Variants in XKR9 observed in about 807,000 individuals in gnomAD.
The protein encoded by XKR9 is XK related 9.
XKR9 carries 32 observed loss-of-function variants against 32.0 expected under a neutral mutation model. That is an observed-to-expected ratio of 1.00 (90% CI 0.76 to 1.34). The LOEUF (loss-of-function observed/expected upper bound fraction) is 1.34. Among genes scored for constraint, XKR9 ranks in the 40% most tolerant of loss-of-function variants. The pLI is 0.00. For missense variants in XKR9, 546 were observed against 429.7 expected, an observed-to-expected ratio of 1.27 and a Z score of -2.39; for synonymous variants, 168 against 143.4, an observed-to-expected ratio of 1.17 and a Z score of -1.22.
At chr8:70,915,046 A>G in the XKR9 span, among the ~76,000 whole-genome samples, 1 of 151,800 alleles carries the variant, frequency 6.6e-6, no homozygotes, top group African/African-American at 2.4e-5. Context: ...GAATGTGATT[A>G]ATTAGGTCAA....
At chr8:71,000,466 C>T in the XKR9 span, among the ~76,000 whole-genome samples, 11 of 152,144 alleles carry the variant, frequency 7.2e-5, no homozygotes, top group East Asian at 2.1e-3. Context: ...ACAGAGGTCT[C>T]GTCGAAAGTT....
At chr8:70,845,308 T>G in the XKR9 span, among the ~76,000 whole-genome samples, 2 of 152,060 alleles carry the variant, frequency 1.3e-5, no homozygotes, top group African/African-American at 4.8e-5. Flanking sequence ...TTAAAGTCAA[T>G]GCAAAAAGTT....
the XKR9 span, among the ~76,000 whole-genome samples, chr8:70,808,687 C>A: frequency 6.6e-6 from 1 of 152,216 alleles, no homozygotes; most frequent in Non-Finnish European, 1.5e-5. Flanking sequence ...ACCCACGGAG[C>A]CTTGCTCATT....
chr8:70,799,099 G>T, the XKR9 span, among the ~76,000 whole-genome samples: 1 of 152,086 alleles, frequency 6.6e-6, no homozygotes, highest in South Asian at 2.1e-4. Context: ...GTTATTGGTA[G>T]TTTGATAGGA....
At chr8:70,755,508 C>A (rs1259293840) in intron 2 of XKR9, among the ~76,000 whole-genome samples, 1 of 152,002 alleles carries the variant, frequency 6.6e-6, no homozygotes, top group Non-Finnish European at 1.5e-5. Flanking sequence ...TGGAACCAAC[C>A]CAAATGTCCA....
At chr8:70,998,921 T>A in the XKR9 span, among the ~76,000 whole-genome samples, 1 of 152,138 alleles carries the variant, frequency 6.6e-6, no homozygotes, top group African/African-American at 2.4e-5. Flanking sequence ...CCTGGGATGC[T>A]CAATCCTCCA....
chr8:70,855,814 G>T, the XKR9 span, among the ~76,000 whole-genome samples: 1 of 152,194 alleles, frequency 6.6e-6, no homozygotes, highest in African/African-American at 2.4e-5. Context: ...GAGAGTGGGG[G>T]CCAATATTCA....
chr8:70,849,301 A>G, the XKR9 span, among the ~76,000 whole-genome samples: 1 of 152,236 alleles, frequency 6.6e-6, no homozygotes, highest in Admixed American at 6.5e-5. Flanking sequence ...AGAACTCAGG[A>G]TTAAGAAACT....
chr8:70,859,588 T>A, the XKR9 span, among the ~76,000 whole-genome samples: 2 of 152,116 alleles, frequency 1.3e-5, no homozygotes, highest in African/African-American at 2.4e-5. Flanking sequence ...AGATAGAGAA[T>A]CAACCTGTTT....
intron 4 of XKR9, among the ~76,000 whole-genome samples, chr8:70,723,887 C>CTT (rs4008977): frequency 0.33 from 45,758 of 139,612 alleles, 8,562 homozygotes; most frequent in Non-Finnish European, 0.43. Context: ...TAGGTGGGAA[C>CTT]TTTTTTTTTT....
chr8:71,019,468 T>C, the XKR9 span, among the ~76,000 whole-genome samples: 2 of 152,236 alleles, frequency 1.3e-5, no homozygotes, highest in Non-Finnish European at 2.9e-5. Context: ...CCTCCCTTTG[T>C]GGCTGACGGA....
intron 3 of XKR9, among the ~76,000 whole-genome samples, chr8:70,690,430 A>G (rs1819472622): frequency 6.6e-6 from 1 of 151,554 alleles, no homozygotes; most frequent in African/African-American, 2.4e-5. Context: ...CCCAGGTTCG[A>G]GCAATTCTTT....
chr8:70,687,136 A>G (rs1173390632), intron 3 of XKR9, among the ~76,000 whole-genome samples: 2 of 152,108 alleles, frequency 1.3e-5, no homozygotes, highest in East Asian at 1.9e-4. Context: ...TCTGGTAACT[A>G]TTATTCTACT....
Position 70,723,313 on chromosome 8 carries a change from T to G in XKR9, c.494-10483T>G, listed in dbSNP as rs558480664. 3.9e-5 allele frequency among the ~76,000 whole-genome samples: 6 copies of G among 152,284 alleles called. No individual in the cohort carries two copies. In the South Asian group the frequency reaches 1.2e-3, roughly 32 times the overall value. The stretch of plus-strand genomic sequence containing the variant: ...GCCTACTTCTGTCAATTCGTCAAAC[T>G]CATTCTCATTCTCTGTCCTGTTTTG... On this transcript the variant is annotated intron_variant, in intron 4 of 4. Transcript: ENST00000408926.
Position 70,706,967 on chromosome 8 carries a change from G to C in XKR9, c.307G>C (p.Ala103Pro). The C allele has an allele frequency of 6.2e-7, 1 of 1,612,992 alleles. No individual in the cohort carries two copies. The highest frequency in any genetic ancestry group is 1.1e-5 in the South Asian group (1 of 90,976). The change falls in exon 4 of 5, where the codon GCT (alanine) becomes CCT (proline). Residue 103 changes from alanine (A) to proline (P), a missense_variant. Coordinates refer to ENST00000408926, the MANE Select transcript of XKR9 (RefSeq NM_001011720.2). ...WFALKRGYHA[A>P]FKYDSNTSNF... ...TGCCTTAAAAAGGGGTTACCATGCA[G>C]CTTTTAAATATGACAGCAATACTAG... is the stretch of plus-strand genomic sequence containing the variant.
chr8:70,740,176 C>G (rs1157685067), downstream of XKR9, among the ~76,000 whole-genome samples: 1 of 152,050 alleles, frequency 6.6e-6, no homozygotes, highest in Middle Eastern at 3.2e-3. Flanking sequence ...TCTTTTTATT[C>G]TTTTTTCTCT....
the XKR9 span, among the ~76,000 whole-genome samples, chr8:70,946,267 A>C: frequency 1.0e-3 from 152 of 152,264 alleles, 1 homozygote; most frequent in Admixed American, 5.6e-3. Context: ...TGCCTAGAGA[A>C]CCCACATCTT....
At chr8:70,718,159 T>C (rs1465763952) in intron 4 of XKR9, among the ~76,000 whole-genome samples, 1 of 152,190 alleles carries the variant, frequency 6.6e-6, no homozygotes, top group Non-Finnish European at 1.5e-5. Flanking sequence ...CTCCAGGAAG[T>C]GTCAAACTAT....
intron 4 of XKR9, among the ~76,000 whole-genome samples, chr8:70,712,181 T>C (rs1244449168): frequency 6.6e-6 from 1 of 152,122 alleles, no homozygotes; most frequent in Non-Finnish European, 1.5e-5. Context: ...AATAAATGTT[T>C]AGAAGATGGA....
Sources: allele counts gnomAD v4.1 joint callset (sites outside exome capture counted in the v4.1 genomes callset), GRCh38; gene constraint gnomAD v4.1.1; transcripts MANE v1.5; gene names NCBI Gene and HGNC (gene_info 2026-07-23, HGNC 2026-07-21).